The following DNER variants were observed in gnomAD, a reference collection of about 807,000 sequenced individuals.
DNER encodes delta and Notch-like epidermal growth factor-related receptor.
A neutral mutation model predicts 78.2 loss-of-function variants in DNER; 33 were observed. That is an observed-to-expected ratio of 0.42 (90% CI 0.32 to 0.56). The LOEUF is 0.56. Ranked by LOEUF, DNER falls within the 20% of genes least tolerant of loss-of-function variation. The pLI, the probability that DNER is intolerant of heterozygous loss-of-function variation, is 0.11. For missense variants in DNER, 918 were observed against 975.3 expected, an observed-to-expected ratio of 0.94 and a Z score of 0.78; for synonymous variants, 417 against 384.8, an observed-to-expected ratio of 1.08 and a Z score of -0.98.
At chr2:229,408,167 CTG>C (rs563164424) in intron 9 of DNER, among the ~76,000 whole-genome samples, 231 of 152,004 alleles carry the variant, frequency 1.5e-3, no homozygotes, top group Middle Eastern at 6.8e-3. Context: ...AAAAAAAAGA[CTG>C]TGTGTGCATG....
chr2:229,579,261 T>C (rs1001190785), intron 4 of DNER, among the ~76,000 whole-genome samples: 2 of 152,118 alleles, frequency 1.3e-5, no homozygotes, highest in African/African-American at 2.4e-5. Flanking sequence ...TCTTGGGCAC[T>C]TGTCTAAGCT....
chr2:229,492,966 C>T (rs1302795953), intron 6 of DNER, among the ~76,000 whole-genome samples: 1 of 152,170 alleles, frequency 6.6e-6, no homozygotes, highest in Non-Finnish European at 1.5e-5. Flanking sequence ...CCACCACACC[C>T]AGCCTAACCT....
chr2:229,422,637 C>T (rs989263349), intron 8 of DNER, among the ~76,000 whole-genome samples: 2 of 151,910 alleles, frequency 1.3e-5, no homozygotes, highest in Admixed American at 1.3e-4. Context: ...TAACTTTGGA[C>T]GTGTTTAGAT....
At chr2:229,416,753 A>AC (rs1388054302) in intron 9 of DNER, among the ~76,000 whole-genome samples, 1 of 151,822 alleles carries the variant, frequency 6.6e-6, no homozygotes, top group Non-Finnish European at 1.5e-5. Context: ...CAGCACACAT[A>AC]CCCTTTCTTG....
intron 12 of DNER, 83 bp from the exon 13 acceptor site, chr2:229,358,734 T>C (rs1692146374): frequency 1.7e-6 from 2 of 1,152,272 alleles, no homozygotes; most frequent in South Asian, 3.0e-5. Context: ...ATAATTTATA[T>C]GCATGAATTA....
chr2:229,649,811 A>G (rs537554024), intron 1 of DNER, among the ~76,000 whole-genome samples: 1 of 152,292 alleles, frequency 6.6e-6, no homozygotes, highest in South Asian at 2.1e-4. Context: ...GCGGTGGCTC[A>G]CGCCTGTAAT....
At chr2:229,549,619 TTAA>T (rs1335429563) in intron 4 of DNER, among the ~76,000 whole-genome samples, 2 of 152,152 alleles carry the variant, frequency 1.3e-5, no homozygotes, top group Non-Finnish European at 2.9e-5. Context: ...TATTTCTTTC[TTAA>T]TAACATAGGC....
At chr2:229,476,479 C>T (rs1325254861) in intron 7 of DNER, among the ~76,000 whole-genome samples, 1 of 152,188 alleles carries the variant, frequency 6.6e-6, no homozygotes, top group East Asian at 1.9e-4. Flanking sequence ...AATGTTACTT[C>T]TGTGGATCAG....
intron 8 of DNER, among the ~76,000 whole-genome samples, chr2:229,423,323 C>A (rs1421988159): frequency 6.6e-6 from 1 of 152,048 alleles, no homozygotes; most frequent in African/African-American, 2.4e-5. Context: ...TTAAGATATA[C>A]TGAGTTTTAA....
At chr2:229,495,871 A>G (rs748403255) in intron 6 of DNER, among the ~76,000 whole-genome samples, 2 of 152,088 alleles carry the variant, frequency 1.3e-5, no homozygotes, top group Non-Finnish European at 2.9e-5. Context: ...TTCTCATATC[A>G]TGTCTACCTC....
chr2:229,387,367 C>T (rs750713804), intron 11 of DNER, among the ~76,000 whole-genome samples: 9 of 151,778 alleles, frequency 5.9e-5, no homozygotes, highest in Non-Finnish European at 1.2e-4. Context: ...AGGAGAAATA[C>T]GTAATGTAGA....
intron 7 of DNER, among the ~76,000 whole-genome samples, chr2:229,449,713 T>C (rs1215636639): frequency 2.0e-5 from 3 of 152,212 alleles, no homozygotes; most frequent in African/African-American, 7.2e-5. Flanking sequence ...TTTGCCCAAA[T>C]CAGCAGCTCA....
intron 5 of DNER, among the ~76,000 whole-genome samples, chr2:229,546,605 GT>G (rs1474918639): frequency 6.6e-6 from 1 of 152,148 alleles, no homozygotes; most frequent in Admixed American, 6.5e-5. Context: ...GCATGGTGGT[GT>G]GTGCCTGTGG....
At chr2:229,518,418 G>A (rs773166028) in intron 5 of DNER, among the ~76,000 whole-genome samples, 26 of 152,212 alleles carry the variant, frequency 1.7e-4, no homozygotes, top group Non-Finnish European at 2.6e-4. Context: ...TAACATCCTA[G>A]AGGGACAACA....
intron 5 of DNER, among the ~76,000 whole-genome samples, chr2:229,515,027 A>T (rs999460392): frequency 2.7e-4 from 41 of 152,250 alleles, no homozygotes; most frequent in African/African-American, 5.5e-4. Context: ...AATTTTTTTT[A>T]AAAAAATCCT....
rs1388100730 is a variant in DNER, at chr2:229,510,197, A to AGAG, written c.1147+2585_1147+2586insCTC. Among the ~76,000 whole-genome samples, 129 of 152,360 alleles carry AGAG rather than the reference A, an allele frequency of 8.5e-4. 1 individual carries two copies. The highest frequency in any genetic ancestry group is 3.0e-3 in the African/African-American group (124 of 41,592). ...GGGGGTGAGATAGGGCTGGAAAAGCAGGCAAAAGACATATCCTGGTGCAGA... is the reference window on the plus strand; with the variant it reads ...GGGGGTGAGATAGGGCTGGAAAAGCAGAGGGCAAAAGACATATCCTGGTGCAGA... On this transcript the variant is annotated intron_variant, in intron 6 of 12. Coordinates refer to ENST00000341772, the MANE Select transcript of DNER (RefSeq NM_139072.4).
intron 6 of DNER, among the ~76,000 whole-genome samples, chr2:229,489,574 G>A (rs75686159): frequency 0.12 from 18,643 of 151,204 alleles, 1,311 homozygotes; most frequent in South Asian, 0.2. Context: ...AGGAGGAGTC[G>A]GCAGACACAT....
intron 9 of DNER, among the ~76,000 whole-genome samples, chr2:229,417,822 C>A (rs1311079433): frequency 6.6e-6 from 1 of 152,088 alleles, no homozygotes; most frequent in Non-Finnish European, 1.5e-5. Flanking sequence ...GTCTGACAGT[C>A]CATCTTAATA....
chr2:229,495,168 C>A (rs1695473628), intron 6 of DNER, among the ~76,000 whole-genome samples: 1 of 152,178 alleles, frequency 6.6e-6, no homozygotes, highest in Non-Finnish European at 1.5e-5. Context: ...AGGATCCAGC[C>A]TTTCAACACT....
Sources: gnomAD v4.1 joint callset for allele counts (sites outside exome capture counted in the v4.1 genomes callset) on GRCh38, gnomAD v4.1.1 for gene constraint, MANE v1.5 for transcripts, NCBI Gene and HGNC (gene_info 2026-07-23, HGNC 2026-07-21) for gene names.